The following WDR70 variants were observed in gnomAD, a reference collection of about 807,000 sequenced individuals.
The protein encoded by WDR70 is WD repeat-containing protein 70.
WDR70 carries 53 observed loss-of-function variants against 88.6 expected under a neutral mutation model. That is an observed-to-expected ratio of 0.60 (90% CI 0.48 to 0.75). The LOEUF is 0.75. Among genes scored for constraint, WDR70 ranks in the 30% least tolerant of loss-of-function variants. The pLI, the probability that WDR70 is intolerant of heterozygous loss-of-function variation, is 0.00. For missense variants in WDR70, 610 were observed against 823.2 expected (o/e 0.74, Z 3.17); for synonymous variants, 280 against 270.0 (o/e 1.04, Z -0.36).
intron 13 of WDR70, among the ~76,000 whole-genome samples, chr5:37,709,684 A>G (rs1196268663): frequency 6.6e-6 from 1 of 152,216 alleles, no homozygotes; most frequent in Admixed American, 6.5e-5. Flanking sequence ...TTATTAGGAC[A>G]ATGTTTTACT....
intron 10 of WDR70, among the ~76,000 whole-genome samples, chr5:37,659,061 CTG>C (rs1167409413): frequency 6.6e-6 from 1 of 152,142 alleles, no homozygotes; most frequent in African/African-American, 2.4e-5. Flanking sequence ...TCTCAATAAT[CTG>C]TACACAATTC....
Position 37,605,048 on chromosome 5 carries a change from T to G in WDR70, c.918-16T>G, listed in dbSNP as rs754899211. 2 of 1,558,930 alleles carry G rather than the reference T, an allele frequency of 1.3e-6. No individual in the cohort carries two copies. The highest frequency in any genetic ancestry group is 1.4e-5 in the African/African-American group (1 of 71,770). On this transcript the variant is annotated splice_polypyrimidine_tract_variant and intron_variant, in intron 9 of 17. Coordinates refer to ENST00000265107, the MANE Select transcript of WDR70 (RefSeq NM_018034.4). The stretch of plus-strand genomic sequence containing the variant: ...TTTTTTTTTAAATAAATGAAAAATC[T>G]CCTGATCATTTTTAGGACTGTGAGG...
chr5:37,690,685 G>A (rs989134666), intron 10 of WDR70, among the ~76,000 whole-genome samples: 2 of 152,124 alleles, frequency 1.3e-5, no homozygotes, highest in African/African-American at 2.4e-5. Flanking sequence ...CACCAGGCCT[G>A]CCTTAAAAGA....
intron 12 of WDR70, among the ~76,000 whole-genome samples, chr5:37,702,577 C>T (rs868643718): frequency 6.6e-5 from 10 of 152,100 alleles, no homozygotes; most frequent in African/African-American, 1.9e-4. Context: ...TATATCTGTC[C>T]GTAGACACTC....
chr5:37,700,340 G>T (rs1747119542), intron 11 of WDR70: 1 of 152,210 alleles, frequency 6.6e-6, no homozygotes, highest in Non-Finnish European at 1.5e-5. Context: ...GATACATATG[G>T]AATACTTCAC....
At chr5:37,445,392 G>T (rs1205863358) in intron 7 of WDR70, among the ~76,000 whole-genome samples, 2 of 151,934 alleles carry the variant, frequency 1.3e-5, no homozygotes, top group Non-Finnish European at 2.9e-5. Flanking sequence ...ATGTCACCGA[G>T]AGCTACAAAT....
At chr5:37,519,737 G>A (rs1741027533) in intron 9 of WDR70, among the ~76,000 whole-genome samples, 1 of 152,262 alleles carries the variant, frequency 6.6e-6, no homozygotes, top group South Asian at 2.1e-4. Flanking sequence ...GCTGGGCAGA[G>A]AGAGCACAGA....
chr5:37,450,054 A>G (rs11749363), intron 7 of WDR70, among the ~76,000 whole-genome samples: 63,280 of 151,976 alleles, frequency 0.42, 15,319 homozygotes, highest in Non-Finnish European at 0.54. Context: ...AGCTTCATCC[A>G]TATCCCTGCA....
intron 10 of WDR70, among the ~76,000 whole-genome samples, chr5:37,673,583 A>ACCTCC (rs1554010663): frequency 3.9e-5 from 3 of 76,228 alleles, no homozygotes; most frequent in Non-Finnish European, 4.8e-5. Context: ...GACTTTTCTT[A>ACCTCC]CCCCCCCCCC....
chr5:37,586,022 C>A, intron 9 of WDR70, among the ~76,000 whole-genome samples: 1 of 152,136 alleles, frequency 6.6e-6, no homozygotes. Flanking sequence ...CCTTTCAAGG[C>A]CTTTTGCTCT....
At chr5:37,416,519 T>C (rs1032271113) in intron 5 of WDR70, among the ~76,000 whole-genome samples, 9 of 143,544 alleles carry the variant, frequency 6.3e-5, no homozygotes, top group Admixed American at 4.1e-4. Flanking sequence ...GAGAGGGAGA[T>C]CGTGGGGAGA....
At chr5:37,385,753 A>AT (rs1748591425) in intron 3 of WDR70, among the ~76,000 whole-genome samples, 1 of 151,934 alleles carries the variant, frequency 6.6e-6, no homozygotes, top group South Asian at 2.1e-4. Flanking sequence ...CACTTAGGAA[A>AT]TTCCAAGGGT....
At chr5:37,517,619 G>A (rs1023998790) in intron 9 of WDR70, among the ~76,000 whole-genome samples, 20 of 151,726 alleles carry the variant, frequency 1.3e-4, no homozygotes, top group South Asian at 2.1e-4. Context: ...CACCTGCCTC[G>A]GCCTCCCAAA....
chr5:37,721,495 T>C, intron 14 of WDR70: 2 of 456,960 alleles, frequency 4.4e-6, no homozygotes, highest in Admixed American at 3.4e-5. Flanking sequence ...TTCTGCCCAC[T>C]TTGCATACCA....
intron 13 of WDR70, among the ~76,000 whole-genome samples, chr5:37,718,036 C>T (rs1372490379): frequency 6.6e-6 from 1 of 152,152 alleles, no homozygotes; most frequent in Non-Finnish European, 1.5e-5. Context: ...GACTCATTGC[C>T]ACAGTGCATG....
At chr5:37,535,381 G>T (rs2112316149) in intron 9 of WDR70, among the ~76,000 whole-genome samples, 1 of 152,250 alleles carries the variant, frequency 6.6e-6, no homozygotes, top group South Asian at 2.1e-4. Context: ...ACATTTCATA[G>T]ATTGGTAGGA....
chr5:37,419,351 G>C (rs928659076), intron 5 of WDR70, among the ~76,000 whole-genome samples: 2 of 151,012 alleles, frequency 1.3e-5, no homozygotes, highest in African/African-American at 4.9e-5. Flanking sequence ...GTTTATAGGC[G>C]CCTGCCACCG....
At chr5:37,456,457 A>T (rs998707498) in intron 7 of WDR70, among the ~76,000 whole-genome samples, 5 of 152,188 alleles carry the variant, frequency 3.3e-5, no homozygotes, top group African/African-American at 7.2e-5. Flanking sequence ...TCTTTATAAG[A>T]TATGTGTGTC....
chr5:37,506,823 G>A (rs888284211), intron 8 of WDR70: 8 of 1,314,154 alleles, frequency 6.1e-6, no homozygotes, highest in African/African-American at 4.3e-5. Flanking sequence ...TCCGTTCTTG[G>A]GGGCTGCTGT....
Sources: gnomAD v4.1 joint callset for allele counts (sites outside exome capture counted in the v4.1 genomes callset) on GRCh38, gnomAD v4.1.1 for gene constraint, MANE v1.5 for transcripts, NCBI Gene and HGNC (gene_info 2026-07-23, HGNC 2026-07-21) for gene names.